METTL25: variants seen among roughly 807,000 people sequenced by gnomAD.
METTL25 encodes the protein probable methyltransferase-like protein 25.
Under a neutral mutation model 71.6 loss-of-function variants are expected in METTL25, and 64 were observed. The observed-to-expected ratio is 0.89, with a 90% CI of 0.73 to 1.10. The LOEUF is 1.10. Among genes scored for constraint, METTL25 ranks in the 50% least tolerant of loss-of-function variants. The pLI is 0.00. For synonymous variants in METTL25, 287 were observed against 250.3 expected (o/e 1.15, Z -1.38); for missense variants, 807 against 707.0 (o/e 1.14, Z -1.60).
chr12:82,450,664 G>A (rs929608693), intron 8 of METTL25, among the ~76,000 whole-genome samples: 5 of 152,020 alleles, frequency 3.3e-5, no homozygotes, highest in Admixed American at 2.0e-4. Flanking sequence ...TATGTCATCT[G>A]GCTCCTCATT....
chr12:82,427,238 G>A (rs1347830966), intron 5 of METTL25, among the ~76,000 whole-genome samples: 2 of 151,892 alleles, frequency 1.3e-5, no homozygotes, highest in Non-Finnish European at 2.9e-5. Flanking sequence ...TATGGAATAA[G>A]CCTCCATACT....
chr12:82,419,650 C>A (rs1374316176), intron 5 of METTL25, among the ~76,000 whole-genome samples: 2 of 150,296 alleles, frequency 1.3e-5, no homozygotes, highest in African/African-American at 4.9e-5. Flanking sequence ...CAAATTAAAA[C>A]CACAATGAAA....
At chr12:82,431,667 C>T (rs1316386035) in intron 6 of METTL25, among the ~76,000 whole-genome samples, 1 of 151,472 alleles carries the variant, frequency 6.6e-6, no homozygotes, top group Non-Finnish European at 1.5e-5. Flanking sequence ...TAATAAATTG[C>T]TTACCTATTA....
At chr12:82,477,998 T>C (rs1318993836) in intron 11 of METTL25, among the ~76,000 whole-genome samples, 1 of 151,880 alleles carries the variant, frequency 6.6e-6, no homozygotes, top group Non-Finnish European at 1.5e-5. Context: ...GAGCTTTACT[T>C]TCTTATTTTC....
chr12:82,403,477 A>G (rs1427653035), intron 5 of METTL25, among the ~76,000 whole-genome samples: 1 of 152,198 alleles, frequency 6.6e-6, no homozygotes, highest in African/African-American at 2.4e-5. Flanking sequence ...TTATTTTGTT[A>G]TGAATATTGA....
chr12:82,388,778 G>T (rs1885299020), intron 2 of METTL25: 1 of 152,108 alleles, frequency 6.6e-6, no homozygotes, highest in African/African-American at 2.4e-5. Context: ...CCATCCTGGA[G>T]TAATCAGCAT....
intron 8 of METTL25, among the ~76,000 whole-genome samples, chr12:82,453,428 T>C (rs1471062786): frequency 1.3e-5 from 2 of 152,154 alleles, no homozygotes; most frequent in Non-Finnish European, 2.9e-5. Context: ...TAATATTGAC[T>C]AATAGTTAAT....
rs921080498 is a variant in METTL25 at position 82,465,218 on chromosome 12, C to T, written c.1572+8398C>T. Among the ~76,000 whole-genome samples the T allele has an allele frequency of 3.9e-5, 6 of 152,010 alleles. No individual in the cohort carries two copies. The South Asian group carries it at 1.0e-3, about 26-fold the overall frequency. ...GAAAAGCTTTCAGTTTTCCCCCTTT[C>T]AGTATGATGTTAGCTATGGAATTGT... On this transcript the variant is annotated intron_variant, in intron 9 of 11. Coordinates refer to ENST00000248306, the MANE Select transcript of METTL25 (RefSeq NM_032230.3).
At chr12:82,387,857 CAG>C (rs2136950428) in intron 2 of METTL25, among the ~76,000 whole-genome samples, 1 of 152,182 alleles carries the variant, frequency 6.6e-6, no homozygotes, top group Non-Finnish European at 1.5e-5. Context: ...TTGGCACACT[CAG>C]GAGTTTAACT....
chr12:82,473,276 A>G (rs576162600), intron 9 of METTL25, among the ~76,000 whole-genome samples: 1 of 152,148 alleles, frequency 6.6e-6, no homozygotes, highest in Admixed American at 6.5e-5. Flanking sequence ...GGGAGTACAT[A>G]TACACAGTTG....
chr12:82,461,413 G>A (rs1231940751), intron 9 of METTL25, among the ~76,000 whole-genome samples: 1 of 152,168 alleles, frequency 6.6e-6, no homozygotes, highest in Admixed American at 6.6e-5. Context: ...TATAGATGAG[G>A]AAATTGAGAC....
chr12:82,452,831 G>A (rs550687860), intron 8 of METTL25, among the ~76,000 whole-genome samples: 4 of 151,964 alleles, frequency 2.6e-5, no homozygotes, highest in East Asian at 1.9e-4. Context: ...GCCATGCACC[G>A]TATATTGAAT....
chr12:82,422,261 G>T (rs561968770), intron 5 of METTL25, among the ~76,000 whole-genome samples: 2 of 152,064 alleles, frequency 1.3e-5, no homozygotes, highest in Admixed American at 1.3e-4. Context: ...ATCAATAAAC[G>T]TAATCCGGCA....
At chr12:82,461,981 G>C (rs1204818108) in intron 9 of METTL25, among the ~76,000 whole-genome samples, 1 of 152,170 alleles carries the variant, frequency 6.6e-6, no homozygotes, top group Non-Finnish European at 1.5e-5. Flanking sequence ...AGATGACTCA[G>C]AGCCCACTAA....
At chr12:82,409,647 C>T (rs1211689523) in intron 5 of METTL25, among the ~76,000 whole-genome samples, 1 of 152,070 alleles carries the variant, frequency 6.6e-6, no homozygotes, top group Non-Finnish European at 1.5e-5. Flanking sequence ...TGCCTCCTCC[C>T]AGCCTAGTAG....
chr12:82,422,807 G>T (rs1001483905), intron 5 of METTL25, among the ~76,000 whole-genome samples: 9 of 152,108 alleles, frequency 5.9e-5, no homozygotes, highest in African/African-American at 2.2e-4. Flanking sequence ...TTGCTTCAAA[G>T]AGAATAAAAT....
At chr12:82,389,751 T>C (rs1209982571) in intron 2 of METTL25, 65 bp from the exon 3 acceptor site, 14 of 937,978 alleles carry the variant, frequency 1.5e-5, no homozygotes, top group South Asian at 1.4e-4. Flanking sequence ...AATATGAACA[T>C]CTAACTGATA....
chr12:82,408,597 C>CGTGT (rs56872887), intron 5 of METTL25, among the ~76,000 whole-genome samples: 10,507 of 146,556 alleles, frequency 0.072, 401 homozygotes, highest in Middle Eastern at 0.1. Flanking sequence ...GATGTGACTC[C>CGTGT]GTGTGTGTGT....
chr12:82,376,182 T>G (rs1336345495), intron 1 of METTL25, among the ~76,000 whole-genome samples: 1 of 152,260 alleles, frequency 6.6e-6, no homozygotes, highest in African/African-American at 2.4e-5. Flanking sequence ...TTTCCAATTA[T>G]GTGACAGTAC....
Sources: allele counts gnomAD v4.1 joint callset (sites outside exome capture counted in the v4.1 genomes callset), GRCh38; gene constraint gnomAD v4.1.1; transcripts MANE v1.5; gene names NCBI Gene and HGNC (gene_info 2026-07-23, HGNC 2026-07-21).